The following ANO4 variants were observed in gnomAD, a reference collection of about 807,000 sequenced individuals.
ANO4 encodes anoctamin-4.
Under a neutral mutation model 141.9 loss-of-function variants are expected in ANO4, and 69 were observed. The ratio of observed to expected loss-of-function variants is 0.49; its 90% CI spans 0.40 to 0.59. The LOEUF is 0.59. Among genes scored for constraint, ANO4 ranks in the 20% least tolerant of loss-of-function variants. The probability of loss-of-function intolerance (pLI) is 0.00; values close to 1 mark genes in which losing one functional copy is unlikely to be tolerated. For synonymous variants in ANO4, 350 were observed against 394.3 expected, an observed-to-expected ratio of 0.89 and a Z score of 1.33; for missense variants, 894 against 1,162.2, an observed-to-expected ratio of 0.77 and a Z score of 3.36.
intron 9 of ANO4, among the ~76,000 whole-genome samples, chr12:101,025,697 A>G (rs1304647992): frequency 6.6e-6 from 1 of 152,262 alleles, no homozygotes; most frequent in Non-Finnish European, 1.5e-5. Context: ...TTAGCAAATA[A>G]AGTTTAACAA....
At chr12:100,990,883 A>G (rs2045065315) in intron 8 of ANO4, among the ~76,000 whole-genome samples, 1 of 152,162 alleles carries the variant, frequency 6.6e-6, no homozygotes, top group Non-Finnish European at 1.5e-5. Context: ...GTGAAATAGG[A>G]TGGAGTGTTT....
chr12:101,053,807 G>A (rs955080636), intron 14 of ANO4, among the ~76,000 whole-genome samples: 5 of 152,326 alleles, frequency 3.3e-5, no homozygotes, highest in African/African-American at 1.2e-4. Flanking sequence ...CCATAGCAGA[G>A]TACCTGTTGA....
chr12:100,719,942 G>C (rs546558353), intron 1 of ANO4, among the ~76,000 whole-genome samples: 3 of 152,078 alleles, frequency 2.0e-5, no homozygotes, highest in African/African-American at 7.2e-5. Flanking sequence ...AATCCCCACC[G>C]GTAAAAATAT....
At chr12:100,936,337 C>T (rs1394569514) in intron 3 of ANO4, among the ~76,000 whole-genome samples, 2 of 152,106 alleles carry the variant, frequency 1.3e-5, no homozygotes, top group African/African-American at 4.8e-5. Flanking sequence ...GGATGTATAG[C>T]GGCATCCCTG....
intron 2 of ANO4, among the ~76,000 whole-genome samples, chr12:100,916,820 G>A (rs1434382235): frequency 6.6e-6 from 1 of 152,076 alleles, no homozygotes; most frequent in Non-Finnish European, 1.5e-5. Context: ...GGATGGGAAG[G>A]CATTGACATA....
chr12:100,893,770 C>T (rs1037639639), intron 1 of ANO4, among the ~76,000 whole-genome samples: 1 of 152,046 alleles, frequency 6.6e-6, no homozygotes, highest in African/African-American at 2.4e-5. Context: ...TCTACTCTGC[C>T]ACTGTGGTTT....
At chr12:100,810,586 T>C (rs558114957) in intron 1 of ANO4, among the ~76,000 whole-genome samples, 1 of 152,188 alleles carries the variant, frequency 6.6e-6, no homozygotes, top group African/African-American at 2.4e-5. Flanking sequence ...GAGGTGATGA[T>C]GGACCAGGAT....
intron 3 of ANO4, among the ~76,000 whole-genome samples, chr12:100,755,969 A>G (rs2032591173): frequency 6.6e-6 from 1 of 152,248 alleles, no homozygotes; most frequent in Non-Finnish European, 1.5e-5. Context: ...GATTCTGAAT[A>G]GTTATCACTA....
chr12:101,024,456 C>G (rs1466965180), intron 9 of ANO4, among the ~76,000 whole-genome samples: 1 of 152,048 alleles, frequency 6.6e-6, no homozygotes, highest in Non-Finnish European at 1.5e-5. Context: ...ATTAGCTGAG[C>G]ATGGTGGCAC....
At position 101,111,723 on chromosome 12, in the gene ANO4, T is replaced by C; in HGVS notation, c.2450+13T>C. The stretch of plus-strand genomic sequence containing the variant: ...AAGCTGGGCAAAAGTAAGTTTGCTA[T>C]AAAACCACTATACAGTTTCTATTTC... On this transcript the variant is annotated intron_variant, in intron 24 of 27. Coordinates refer to ENST00000392977, the MANE Select transcript of ANO4 (RefSeq NM_001286615.2). The C allele has an allele frequency of 6.3e-7, 1 of 1,588,434 alleles. No individual in the cohort carries two copies. Among genetic ancestry groups the C allele is most frequent in the Non-Finnish European group, 8.5e-7 (1 of 1,169,852 alleles).
At chr12:101,048,139 T>C in intron 13 of ANO4, 1 of 1,047,720 alleles carries the variant, frequency 9.5e-7, no homozygotes, top group Non-Finnish European at 1.3e-6. Context: ...AGAGAACAAA[T>C]TGTATCCTCT....
In ANO4 at chr12:100,970,665, CCTTCCTT is replaced by C. The variant is rs1350575487; in HGVS notation, c.457-639_457-633del. 1.6e-4 allele frequency among the ~76,000 whole-genome samples: 4 copies of C among 25,612 alleles called. No individual in the cohort carries two copies. In the African/African-American group the frequency reaches 1.9e-3, roughly 12 times the overall value. The allele number at this position is 25,612 out of a possible 152,430, so 16.8% of individuals were successfully genotyped here. A position where few individuals can be genotyped will look rare whatever the true frequency, so the allele number is the denominator to read the frequency against. On this transcript the variant is annotated intron_variant, in intron 5 of 27. Transcript: ENST00000392977. ...CCTTCCTCCCTCCCTCCCTCCCTCT[CCTTCCTT>C]CCTTCCTTCCTTCCTTCCTTCCTTC...
chr12:101,109,071 A>AG lies in ANO4; in HGVS notation c.2150-1332dup, dbSNP rs527849022. ...TTTTTCATGATCTTGACATATTTGCAGAGTATTTGTCAGTAGTTTTGGAAA... is the reference window on the plus strand; with the variant it reads ...TTTTTCATGATCTTGACATATTTGCAGGAGTATTTGTCAGTAGTTTTGGAAA... On this transcript the variant is annotated intron_variant, in intron 22 of 27. Transcript: ENST00000392977. 4.4e-3 allele frequency among the ~76,000 whole-genome samples: 673 copies of AG among 152,152 alleles called. 9 individuals are homozygous for AG. The highest frequency in any genetic ancestry group is 0.016 in the African/African-American group (649 of 41,494).
chr12:101,002,947 C>G (rs1167896491), intron 8 of ANO4, among the ~76,000 whole-genome samples: 1 of 152,196 alleles, frequency 6.6e-6, no homozygotes, highest in Non-Finnish European at 1.5e-5. Context: ...AAAAGCATTC[C>G]TCCTCTGCCC....
intron 9 of ANO4, among the ~76,000 whole-genome samples, chr12:101,036,705 G>A (rs1182580508): frequency 6.6e-6 from 1 of 152,160 alleles, no homozygotes; most frequent in Non-Finnish European, 1.5e-5. Flanking sequence ...GGGGAACATG[G>A]GGAGGTGTTG....
intron 1 of ANO4, among the ~76,000 whole-genome samples, chr12:100,896,260 G>A (rs891073986): frequency 6.6e-6 from 1 of 152,156 alleles, no homozygotes; most frequent in Non-Finnish European, 1.5e-5. Flanking sequence ...TTATCCAGGT[G>A]ATCCCTAAAT....
chr12:100,847,440 T>C (rs892807149), intron 1 of ANO4, among the ~76,000 whole-genome samples: 2 of 152,100 alleles, frequency 1.3e-5, no homozygotes, highest in African/African-American at 4.8e-5. Flanking sequence ...TGTGTAATTA[T>C]GTCTTGCAAA....
At chr12:100,989,617 GGATA>G (rs1230585220) in intron 8 of ANO4, among the ~76,000 whole-genome samples, 75 of 87,504 alleles carry the variant, frequency 8.6e-4, no homozygotes, top group African/African-American at 2.0e-3. Flanking sequence ...CTGGATGGAT[GGATA>G]GATGGATGGA....
chr12:100,730,121 G>A (rs1190569404), intron 1 of ANO4, among the ~76,000 whole-genome samples: 3 of 152,030 alleles, frequency 2.0e-5, no homozygotes, highest in East Asian at 1.9e-4. Flanking sequence ...AATCTTATAA[G>A]TATAGATCAG....
Sources: gnomAD v4.1 joint callset for allele counts (sites outside exome capture counted in the v4.1 genomes callset) on GRCh38, gnomAD v4.1.1 for gene constraint, MANE v1.5 for transcripts, NCBI Gene and HGNC (gene_info 2026-07-23, HGNC 2026-07-21) for gene names.